The following NCS1 variants were observed in gnomAD, a reference collection of about 807,000 sequenced individuals.
The protein encoded by NCS1 is neuronal calcium sensor 1.
Under a neutral mutation model 28.4 loss-of-function variants are expected in NCS1, and 6 were observed. The observed-to-expected ratio is 0.21, with a 90% CI of 0.12 to 0.42. The LOEUF is 0.42. NCS1 is among the 10% of genes least tolerant of loss of function. The probability of loss-of-function intolerance (pLI) is 1.00; values close to 1 mark genes in which losing one functional copy is unlikely to be tolerated. For synonymous variants in NCS1, 86 were observed against 99.3 expected, an observed-to-expected ratio of 0.87 and a Z score of 0.79; for missense variants, 131 against 241.4, an observed-to-expected ratio of 0.54 and a Z score of 3.03.
Position 130,226,250 on chromosome 9 carries a change from C to T in NCS1, c.475-139C>T. On this transcript the variant is annotated intron_variant, in intron 6 of 7. Transcript: ENST00000372398. This position sits in a 1 kb window ranked among gnomAD's most constrained non-coding sequence, Gnocchi z 4.8. ...AGTGCCGAGGTCTGTCTGGTGCTGG[C>T]TGCTTGTAGGCCCTGAGCCACGTTG... is the stretch of plus-strand genomic sequence containing the variant. 1.4e-6 allele frequency: 1 copy of T among 718,344 alleles called. No individual in the cohort carries two copies. The highest frequency in any genetic ancestry group is 2.5e-6 in the Non-Finnish European group (1 of 404,036). 44.5% of individuals were successfully genotyped at this position (718,344 alleles called of 1,614,324 possible).
At chr9:130,173,730 C>T (rs1295948354) in intron 1 of NCS1, among the ~76,000 whole-genome samples, 4 of 152,196 alleles carry the variant, frequency 2.6e-5, no homozygotes, top group Non-Finnish European at 4.4e-5. Context: ...GGCCCAGGCC[C>T]TCTGCACCAC....
intron 1 of NCS1, among the ~76,000 whole-genome samples, chr9:130,174,234 C>T (rs905310621): frequency 6.6e-6 from 1 of 152,174 alleles, no homozygotes; most frequent in Non-Finnish European, 1.5e-5. Flanking sequence ...TGGGCTCCAT[C>T]AGGAGTGGTG....
At chr9:130,206,962 G>A (rs782723691) in intron 2 of NCS1, among the ~76,000 whole-genome samples, 2 of 152,138 alleles carry the variant, frequency 1.3e-5, no homozygotes, top group African/African-American at 2.4e-5. Context: ...AAGTGGCTTC[G>A]ACAGCCTCCT....
intron 2 of NCS1, among the ~76,000 whole-genome samples, chr9:130,210,960 T>C (rs2131144325): frequency 6.8e-6 from 1 of 147,284 alleles, no homozygotes; most frequent in Non-Finnish European, 1.5e-5. Context: ...TCCTTCAGCC[T>C]CCCAAACAGC....
chr9:130,193,459 A>G (rs1004287105), intron 1 of NCS1, among the ~76,000 whole-genome samples: 1 of 152,014 alleles, frequency 6.6e-6, no homozygotes, highest in Non-Finnish European at 1.5e-5. Flanking sequence ...CAGTGGGGGC[A>G]TTCTCGTATT....
At position 130,209,858 on chromosome 9, in the gene NCS1, G is replaced by C. The variant is rs1833087483; in HGVS notation, c.90-7974G>C. Among the ~76,000 whole-genome samples, 1 of 152,080 alleles carries C rather than the reference G, an allele frequency of 6.6e-6. No individual in the cohort carries two copies. The highest frequency in any genetic ancestry group is 2.4e-5 in the African/African-American group (1 of 41,418). ...ACAGTCAACCATATCAGAAACCTCG[G>C]CTTCCCGTGGCTGGGGATCGCAGGC... is the stretch of plus-strand genomic sequence containing the variant. On this transcript the variant is annotated intron_variant, in intron 2 of 7. Transcript: ENST00000372398. This position sits in a 1 kb window ranked among gnomAD's most constrained non-coding sequence, Gnocchi z 4.4.
At chr9:130,231,364 C>CTT (rs142668983) in intron 7 of NCS1, among the ~76,000 whole-genome samples, 137,868 of 151,478 alleles carry the variant, frequency 0.91, 62,972 homozygotes, top group East Asian at 1. Context: ...AAAAAAAAAA[C>CTT]TTTAATTTTG....
intron 4 of NCS1, among the ~76,000 whole-genome samples, chr9:130,221,684 G>A (rs373785661): frequency 2.1e-5 from 3 of 144,834 alleles, no homozygotes; most frequent in East Asian, 2.0e-4. Flanking sequence ...TGCCCGCCTC[G>A]GCCTCCCAAA....
rs12001167 is a variant in NCS1 at position 130,184,472 on chromosome 9, G to A, written c.64+11745G>A. ...AAACATTGGTGACAGGGCCTGGCAC[G>A]GCTTATCCCAGGCTTTTAATCCCTC... is the stretch of plus-strand genomic sequence containing the variant. On this transcript the variant is annotated intron_variant, in intron 1 of 7. Transcript: ENST00000372398. Among the ~76,000 whole-genome samples, 652 of 152,148 alleles carry A rather than the reference G, an allele frequency of 4.3e-3. 4 individuals carry two copies. The highest frequency in any genetic ancestry group is 0.015 in the African/African-American group (604 of 41,502).
At chr9:130,221,447 G>A (rs868907933) in intron 4 of NCS1, among the ~76,000 whole-genome samples, 44 of 140,396 alleles carry the variant, frequency 3.1e-4, no homozygotes, top group African/African-American at 1.0e-3. Flanking sequence ...GAGAGAGAGA[G>A]AGAGAAAGAG....
At chr9:130,230,812 C>G (rs1253289734) in intron 7 of NCS1, among the ~76,000 whole-genome samples, 1 of 152,080 alleles carries the variant, frequency 6.6e-6, no homozygotes, top group Non-Finnish European at 1.5e-5. Context: ...CCCCCACCCC[C>G]ACTCTTGTGA....
chr9:130,193,198 G>A (rs1832839183), intron 1 of NCS1, among the ~76,000 whole-genome samples: 1 of 152,226 alleles, frequency 6.6e-6, no homozygotes, highest in African/African-American at 2.4e-5. Flanking sequence ...ATGGTACCGA[G>A]GGGGCTCTGA....
chr9:130,233,886 G>C lies in NCS1; in HGVS notation c.*914G>C, dbSNP rs1385483887. 2 of 152,052 alleles carry C rather than the reference G, an allele frequency of 1.3e-5. No homozygotes were observed. The highest frequency in any genetic ancestry group is 4.8e-5 in the African/African-American group (2 of 41,362). The allele number at this position is 152,052 out of a possible 1,614,324, so 9.4% of individuals were successfully genotyped here. On this transcript the variant is annotated 3_prime_UTR_variant, in exon 8 of 8. Coordinates refer to ENST00000372398, the MANE Select transcript of NCS1 (RefSeq NM_014286.4). This position sits in a 1 kb window ranked among gnomAD's most constrained non-coding sequence, Gnocchi z 4.8. ...GCTAATGCACTGTTCCCTCCAGCCC[G>C]AATGCCTCCTGCCAAACCCCTTTTC...
At chr9:130,213,673 A>C (rs1433727287) in intron 2 of NCS1, among the ~76,000 whole-genome samples, 5 of 143,362 alleles carry the variant, frequency 3.5e-5, no homozygotes, top group East Asian at 2.1e-4. Context: ...GCAACCTCTG[A>C]CTCCTGGGTT....
intron 5 of NCS1, 79 bp downstream of exon 5, chr9:130,222,817 G>A (rs376908904): frequency 1.4e-6 from 2 of 1,442,786 alleles, no homozygotes; most frequent in Non-Finnish European, 1.9e-6. Flanking sequence ...GAGAGCACTT[G>A]TGCAGCCATG....
chr9:130,174,565 T>C (rs1351117802), intron 1 of NCS1, among the ~76,000 whole-genome samples: 1 of 152,160 alleles, frequency 6.6e-6, no homozygotes, highest in Non-Finnish European at 1.5e-5. Context: ...CCAGGCACAG[T>C]GGCTCACGCC....
rs2277200 is a variant in NCS1, at chr9:130,226,430, T to G, written c.516T>G (p.Gly172=). Residue 172 remains glycine, a synonymous_variant, in exon 7 of 8, where the codon GGT becomes GGG. Coordinates refer to ENST00000372398, the MANE Select transcript of NCS1 (RefSeq NM_014286.4). This position sits in a 1 kb window ranked among gnomAD's most constrained non-coding sequence, Gnocchi z 4.8. ...GKLTLQEFQE[G]SKADPSIVQA... ...TGACCCTGCAGGAGTTCCAGGAGGG[T>G]TCCAAGGCAGACCCGTCCATTGTGC... The G allele has an allele frequency of 0.33, 525,710 of 1,612,954 alleles. 89,139 individuals carry two copies. The highest frequency in any genetic ancestry group is 0.49 in the Admixed American group (29,222 of 59,942).
intron 4 of NCS1, among the ~76,000 whole-genome samples, chr9:130,221,371 A>T (rs1554910295): frequency 7.8e-6 from 1 of 128,662 alleles, no homozygotes; most frequent in South Asian, 2.5e-4. Context: ...TATATATATA[A>T]AATATCATAT....
chr9:130,222,982 GC>G lies in NCS1; in HGVS notation c.397-97del, dbSNP rs34826568. 8.5e-4 allele frequency: 767 copies of G among 901,842 alleles called. 5 individuals carry two copies. Among genetic ancestry groups the G allele is most frequent in the Middle Eastern group, 3.5e-3 (11 of 3,132 alleles). 55.9% of individuals were successfully genotyped at this position (901,842 alleles called of 1,614,324 possible). Reference sequence around the variant, plus strand: ...GGGGAGGGGAAAGAAGAGGGGGGCGGCCCTCATCTGGAAACTGCCAGGTCTG... The same window carrying G: ...GGGGAGGGGAAAGAAGAGGGGGGCGGCCTCATCTGGAAACTGCCAGGTCTG... On this transcript the variant is annotated intron_variant, in intron 5 of 7. Transcript: ENST00000372398.
Sources: allele counts gnomAD v4.1 joint callset (sites outside exome capture counted in the v4.1 genomes callset), GRCh38; gene constraint gnomAD v4.1.1; non-coding constraint Gnocchi (gnomAD v3.1); transcripts MANE v1.5; gene names NCBI Gene and HGNC (gene_info 2026-07-23, HGNC 2026-07-21).